Variants in GNG7 observed in about 807,000 individuals in gnomAD.
The protein encoded by GNG7 is guanine nucleotide-binding protein G(I)/G(S)/G(O) subunit gamma-7.
A neutral mutation model predicts 4.0 loss-of-function variants in GNG7; 1 was observed. The observed-to-expected ratio is 0.25, with a 90% CI of 0.09 to 1.18. GNG7 has a LOEUF of 1.18. Ranked by LOEUF, GNG7 falls within the 50% of genes most tolerant of loss-of-function variation. GNG7 has a pLI of 0.50. For missense variants in GNG7, 86 were observed against 91.9 expected, an observed-to-expected ratio of 0.94 and a Z score of 0.26; for synonymous variants, 34 against 36.9, an observed-to-expected ratio of 0.92 and a Z score of 0.29.
rs71339116 is a variant in GNG7 at position 2,557,274 on chromosome 19, C to T, written c.-77-2086G>A. 0.098 allele frequency among the ~76,000 whole-genome samples: 14,706 copies of T among 150,638 alleles called. 934 individuals are homozygous for T. Among genetic ancestry groups the T allele is most frequent in the Middle Eastern group, 0.18 (53 of 294 alleles). ...ACACACGTGCACACACATTTGCACA[C>T]ACAGACACGTGCACACACAGAGGTG... On this transcript the variant is annotated intron_variant, in intron 2 of 4. Transcript: ENST00000382159. The surrounding 1 kb of genome is among the most constrained non-coding windows in gnomAD (Gnocchi z 5.1).
At chr19:2,621,343 T>C (rs1342132431) in intron 2 of GNG7, among the ~76,000 whole-genome samples, 1 of 151,610 alleles carries the variant, frequency 6.6e-6, no homozygotes, top group Non-Finnish European at 1.5e-5. Context: ...TGAGCTATGA[T>C]GCTGCCACTG....
At chr19:2,652,751 C>G (rs187493183) in intron 1 of GNG7, among the ~76,000 whole-genome samples, 2 of 152,202 alleles carry the variant, frequency 1.3e-5, no homozygotes, top group African/African-American at 4.8e-5. Flanking sequence ...GTTGGAAACA[C>G]TGAGAGATGT....
chr19:2,649,536 C>G (rs1237173542), intron 1 of GNG7, among the ~76,000 whole-genome samples: 1 of 151,922 alleles, frequency 6.6e-6, no homozygotes, highest in Non-Finnish European at 1.5e-5. Flanking sequence ...ATTACAGGCA[C>G]CTACCACCAC....
intron 1 of GNG7, among the ~76,000 whole-genome samples, chr19:2,662,644 C>T (rs2144880787): frequency 6.6e-6 from 1 of 152,294 alleles, no homozygotes; most frequent in South Asian, 2.1e-4. Context: ...GGCAAAGCTT[C>T]CTTGGCATGC....
At chr19:2,564,435 G>C (rs1009968226) in intron 2 of GNG7, among the ~76,000 whole-genome samples, 3 of 152,134 alleles carry the variant, frequency 2.0e-5, no homozygotes, top group Non-Finnish European at 4.4e-5. Flanking sequence ...ACAAAAATTA[G>C]CCAGGCATGG....
chr19:2,517,457 T>G (rs1238646023), intron 4 of GNG7, among the ~76,000 whole-genome samples: 1 of 152,064 alleles, frequency 6.6e-6, no homozygotes, highest in Admixed American at 6.5e-5. Flanking sequence ...CTCCGCCCCC[T>G]GGGTCCAAGC....
At position 2,640,297 on chromosome 19, in the gene GNG7, AAGAG is replaced by A. The variant is rs1283391770; in HGVS notation, c.-78+5923_-78+5926del. Among the ~76,000 whole-genome samples the A allele has an allele frequency of 8.5e-5, 13 of 152,200 alleles. No homozygotes were observed. In the East Asian group the frequency reaches 2.1e-3, roughly 25 times the overall value. On this transcript the variant is annotated intron_variant, in intron 2 of 4. Coordinates refer to ENST00000382159, the MANE Select transcript of GNG7 (RefSeq NM_052847.3). ...AGAGAGAAAGAAAGACATCAAGAAA[AAGAG>A]AGACATTCCAAAAGCCCAGCTAGGG...
chr19:2,628,236 G>A (rs1182144875), intron 2 of GNG7, among the ~76,000 whole-genome samples: 2 of 152,200 alleles, frequency 1.3e-5, no homozygotes, highest in East Asian at 3.8e-4. Flanking sequence ...AGTCTTATAA[G>A]CCTAAAATCA....
At chr19:2,696,012 C>T (rs1000678036) in intron 1 of GNG7, among the ~76,000 whole-genome samples, 4 of 151,892 alleles carry the variant, frequency 2.6e-5, no homozygotes, top group Non-Finnish European at 5.9e-5. Flanking sequence ...TAAAAATTAT[C>T]TGGGTGTGGT....
chr19:2,568,871 C>G (rs1980052789), intron 2 of GNG7, among the ~76,000 whole-genome samples: 1 of 151,918 alleles, frequency 6.6e-6, no homozygotes, highest in African/African-American at 2.4e-5. Flanking sequence ...CACACAAGTA[C>G]ACACACATAC....
At chr19:2,582,599 C>T (rs1980533225) in intron 2 of GNG7, among the ~76,000 whole-genome samples, 1 of 151,558 alleles carries the variant, frequency 6.6e-6, no homozygotes, top group Non-Finnish European at 1.5e-5. Context: ...CCACCTAGCT[C>T]CACCTTCCAA....
At chr19:2,594,098 C>T (rs538883534) in intron 2 of GNG7, among the ~76,000 whole-genome samples, 1 of 152,112 alleles carries the variant, frequency 6.6e-6, no homozygotes, top group Non-Finnish European at 1.5e-5. Context: ...AGGCCGGGCA[C>T]AGTGGCTCAC....
chr19:2,659,118 C>T (rs535413965), intron 1 of GNG7, among the ~76,000 whole-genome samples: 7 of 151,942 alleles, frequency 4.6e-5, no homozygotes, highest in South Asian at 2.1e-4. Context: ...TACAGGCGCC[C>T]GCCACCACAC....
chr19:2,635,277 C>T (rs1464706954), intron 2 of GNG7, among the ~76,000 whole-genome samples: 2 of 152,224 alleles, frequency 1.3e-5, no homozygotes, highest in African/African-American at 4.8e-5. Flanking sequence ...CCCTCTGCAT[C>T]TCCAACCCCA....
intron 3 of GNG7, among the ~76,000 whole-genome samples, chr19:2,521,571 C>T (rs1054880307): frequency 2.0e-5 from 3 of 149,224 alleles, no homozygotes; most frequent in African/African-American, 7.4e-5. Context: ...TGGGTCAGGG[C>T]AGGGATCACA....
At position 2,513,043 on chromosome 19, in the gene GNG7, TAG is replaced by T. The variant is rs759689482; in HGVS notation, c.*1977_*1978del. ...AGCCCCAGCCCTCCCGGACCTGCCG[TAG>T]AGAGCTGGGTGCCGGGGGTGGGGAG... On this transcript the variant is annotated 3_prime_UTR_variant, in exon 5 of 5. Transcript: ENST00000382159. 9.8e-4 allele frequency: 963 copies of T among 985,388 alleles called. No homozygotes were observed. The highest frequency in any genetic ancestry group is 1.1e-3 in the Non-Finnish European group (947 of 829,940). The allele number at this position is 985,388 out of a possible 1,614,324, so 61.0% of individuals were successfully genotyped here. A position where few individuals can be genotyped will look rare whatever the true frequency, so the allele number is the denominator to read the frequency against.
chr19:2,692,345 G>C (rs909520741), intron 1 of GNG7, among the ~76,000 whole-genome samples: 1 of 151,942 alleles, frequency 6.6e-6, no homozygotes, highest in Non-Finnish European at 1.5e-5. Context: ...TTTTAAGAAG[G>C]CCAGGGGAGG....
intron 1 of GNG7, among the ~76,000 whole-genome samples, chr19:2,662,278 A>AT (rs1287563116): frequency 6.7e-6 from 1 of 148,700 alleles, no homozygotes; most frequent in Non-Finnish European, 1.5e-5. Context: ...AAAAAAAAAA[A>AT]AATCAACCCA....
intron 1 of GNG7, among the ~76,000 whole-genome samples, chr19:2,652,385 C>T (rs1488953829): frequency 2.0e-5 from 3 of 151,240 alleles, no homozygotes; most frequent in Non-Finnish European, 2.9e-5. Flanking sequence ...TTTGGGAGGC[C>T]GAGGCGGGTA....
Sources: gnomAD v4.1 joint callset for allele counts (sites outside exome capture counted in the v4.1 genomes callset) on GRCh38, gnomAD v4.1.1 for gene constraint, Gnocchi (gnomAD v3.1) non-coding constraint, MANE v1.5 for transcripts, NCBI Gene and HGNC (gene_info 2026-07-23, HGNC 2026-07-21) for gene names.